THSD4: variants seen among roughly 807,000 people sequenced by gnomAD.
The protein encoded by THSD4 is thrombospondin type 1 domain containing 4.
THSD4 carries 69 observed loss-of-function variants against 119.0 expected under a neutral mutation model. The ratio of observed to expected loss-of-function variants is 0.58; its 90% CI spans 0.48 to 0.71. The LOEUF (loss-of-function observed/expected upper bound fraction) is 0.71, where lower values mean the gene tolerates loss of function less well. Ranked by LOEUF, THSD4 falls within the 30% of genes least tolerant of loss-of-function variation. The pLI, the probability that THSD4 is intolerant of heterozygous loss-of-function variation, is 0.00. For missense variants in THSD4, 1,393 were observed against 1,391.1 expected (o/e 1.00, Z -0.02); for synonymous variants, 524 against 540.4 (o/e 0.97, Z 0.42).
chr15:71,189,373 T>A (rs984070524), intron 3 of THSD4, among the ~76,000 whole-genome samples: 1 of 152,134 alleles, frequency 6.6e-6, no homozygotes, highest in Admixed American at 6.5e-5. Flanking sequence ...ACCAGGTGCT[T>A]AAAAAATACG....
chr15:71,707,261 C>T (rs1350096517), intron 8 of THSD4, among the ~76,000 whole-genome samples: 1 of 152,128 alleles, frequency 6.6e-6, no homozygotes, highest in African/African-American at 2.4e-5. Flanking sequence ...TCCAGAAGCC[C>T]ACACGAGTTG....
chr15:71,680,277 T>C lies in THSD4; in HGVS notation c.1357+19543T>C, dbSNP rs370679320. On this transcript the variant is annotated intron_variant, in intron 8 of 17. Coordinates refer to ENST00000261862, the MANE Select transcript of THSD4 (RefSeq NM_024817.3). The stretch of plus-strand genomic sequence containing the variant: ...GTAAGTTCTGGGAACACCAAGGTTC[T>C]CTAAGCCTTCTCCCATACAAAGGTC... 1.8e-4 allele frequency among the ~76,000 whole-genome samples: 27 copies of C among 152,338 alleles called. 1 individual carries two copies. Among genetic ancestry groups the C allele is most frequent in the Admixed American group, 1.2e-3 (19 of 15,306 alleles).
intron 7 of THSD4, among the ~76,000 whole-genome samples, chr15:71,488,663 T>C (rs1489396308): frequency 6.6e-6 from 1 of 152,206 alleles, no homozygotes; most frequent in African/African-American, 2.4e-5. Context: ...AATTGTCCAT[T>C]CTTTTAGGTT....
chr15:71,406,290 TTGGAGATGTTTCA>T (rs1454016717), intron 6 of THSD4, among the ~76,000 whole-genome samples: 1 of 152,214 alleles, frequency 6.6e-6, no homozygotes, highest in Non-Finnish European at 1.5e-5. Flanking sequence ...TTATTCCCTC[TTGGAGATGTTTCA>T]TGTGCACTTG....
At chr15:71,111,377 C>T, upstream of THSD4, 1 of 1,613,244 alleles carries the variant, frequency 6.2e-7, no homozygotes, top group Non-Finnish European at 8.5e-7. Context: ...GAGAGTCAGC[C>T]CCAGGCAAGG....
chr15:71,467,361 T>A (rs1384330972), intron 7 of THSD4, among the ~76,000 whole-genome samples: 1 of 152,224 alleles, frequency 6.6e-6, no homozygotes, highest in Non-Finnish European at 1.5e-5. Context: ...GGAGCCTTCA[T>A]AAGGAAATGA....
intron 2 of THSD4, 68 bp downstream of exon 2, chr15:71,141,624 C>T: frequency 2.0e-6 from 3 of 1,499,472 alleles, no homozygotes; most frequent in Middle Eastern, 1.8e-4. Flanking sequence ...TTTACTCTGT[C>T]ATTTCTTAAA....
chr15:71,736,010 CTCTG>C (rs750675815), intron 10 of THSD4, among the ~76,000 whole-genome samples: 27 of 148,426 alleles, frequency 1.8e-4, no homozygotes, highest in African/African-American at 1.8e-4. Context: ...CTCTCTTGCT[CTCTG>C]TCTGTCTCTC....
At chr15:71,523,597 G>A (rs991104315) in intron 7 of THSD4, among the ~76,000 whole-genome samples, 7 of 152,224 alleles carry the variant, frequency 4.6e-5, no homozygotes, top group Non-Finnish European at 7.3e-5. Flanking sequence ...GACAGGGGGA[G>A]TGTGATAGCA....
chr15:71,728,101 C>A (rs1339424562), intron 8 of THSD4, among the ~76,000 whole-genome samples: 2 of 152,018 alleles, frequency 1.3e-5, no homozygotes, highest in African/African-American at 2.4e-5. Context: ...TAAATTTGGG[C>A]TCAGTTATTT....
At chr15:71,475,490 A>G (rs1207714632) in intron 7 of THSD4, among the ~76,000 whole-genome samples, 3 of 152,140 alleles carry the variant, frequency 2.0e-5, no homozygotes, top group Non-Finnish European at 4.4e-5. Context: ...AAATCTGGGG[A>G]TCTTGTTAAA....
intron 2 of THSD4, among the ~76,000 whole-genome samples, chr15:71,152,667 C>T (rs199800354): frequency 1.2e-4 from 18 of 152,218 alleles, no homozygotes; most frequent in East Asian, 9.7e-4. Flanking sequence ...CTGGCAAAGA[C>T]GTTCCCAGCG....
chr15:71,430,631 C>T (rs2046930011), intron 7 of THSD4, among the ~76,000 whole-genome samples: 1 of 151,912 alleles, frequency 6.6e-6, no homozygotes, highest in Non-Finnish European at 1.5e-5. Flanking sequence ...GTGGTGCCCG[C>T]CTCTAATCCC....
chr15:71,394,136 T>G (rs929137763), intron 6 of THSD4, among the ~76,000 whole-genome samples: 10 of 151,820 alleles, frequency 6.6e-5, no homozygotes, highest in Non-Finnish European at 1.5e-4. Flanking sequence ...GTGCTGCATA[T>G]CTGAGATATT....
intron 8 of THSD4, among the ~76,000 whole-genome samples, chr15:71,683,008 C>T (rs979896340): frequency 1.4e-5 from 2 of 143,426 alleles, no homozygotes; most frequent in Non-Finnish European, 3.0e-5. Context: ...GCAGCCTCAA[C>T]CCCCCTGGGC....
intron 6 of THSD4, among the ~76,000 whole-genome samples, chr15:71,369,350 G>C: frequency 6.6e-6 from 1 of 152,200 alleles, no homozygotes; most frequent in Non-Finnish European, 1.5e-5. Context: ...GGGCATCCCT[G>C]TCTTGTGCCA....
rs1427148883 is a variant in THSD4, at chr15:71,737,883, A to G, written c.1782A>G (p.Pro594=). 2 of 1,614,262 alleles carry G rather than the reference A, an allele frequency of 1.2e-6. No individual in the cohort carries two copies. The highest frequency in any genetic ancestry group is 1.1e-5 in the South Asian group (1 of 91,092). The change falls in exon 11 of 18, where the codon CCA becomes CCG. Residue 594 remains proline, a synonymous_variant. Coordinates refer to ENST00000261862, the MANE Select transcript of THSD4 (RefSeq NM_024817.3). ...ESAQTFPVRH[P]DRFSPHRPDN... ...CACAGACCTTCCCAGTCAGGCATCC[A>G]GACAGATTTTCTCCCCATCGACCGG...
At position 71,780,569 on chromosome 15, in the gene THSD4, A is replaced by G. The variant is rs1386302781; in HGVS notation, c.*3195A>G. Reference sequence around the variant, plus strand: ...AAAAAAAAGCCATTTAAAGCCAGCCACTAGAGGGAGTCAGTTCAGTTCCGT... The same window carrying G: ...AAAAAAAAGCCATTTAAAGCCAGCCGCTAGAGGGAGTCAGTTCAGTTCCGT... On this transcript the variant is annotated 3_prime_UTR_variant, in exon 18 of 18. Coordinates refer to ENST00000261862, the MANE Select transcript of THSD4 (RefSeq NM_024817.3). 2.4e-5 allele frequency: 9 copies of G among 380,448 alleles called. No individual in the cohort carries two copies. In the East Asian group the frequency reaches 5.9e-4, roughly 25 times the overall value. 23.6% of individuals were successfully genotyped at this position (380,448 alleles called of 1,614,324 possible).
At chr15:71,243,693 TC>T in intron 5 of THSD4, among the ~76,000 whole-genome samples, 1 of 152,228 alleles carries the variant, frequency 6.6e-6, no homozygotes, top group South Asian at 2.1e-4. Context: ...GGATATCAGT[TC>T]AATAAATATT....
Sources: allele counts gnomAD v4.1 joint callset (sites outside exome capture counted in the v4.1 genomes callset), GRCh38; gene constraint gnomAD v4.1.1; transcripts MANE v1.5; gene names NCBI Gene and HGNC (gene_info 2026-07-23, HGNC 2026-07-21).